Variants in PRR5 observed in about 807,000 individuals in gnomAD.
The protein encoded by PRR5 is proline rich 5.
Under a neutral mutation model 30.6 loss-of-function variants are expected in PRR5, and 25 were observed. The observed-to-expected ratio is 0.82, with a 90% CI of 0.60 to 1.14. The LOEUF (loss-of-function observed/expected upper bound fraction) is 1.14, where lower values mean the gene tolerates loss of function less well. Among genes scored for constraint, PRR5 ranks in the 50% most tolerant of loss-of-function variants. The pLI is 0.00. For synonymous variants in PRR5, 286 were observed against 247.1 expected (o/e 1.16, Z -1.48); for missense variants, 600 against 547.1 (o/e 1.10, Z -0.96).
intron 1 of PRR5, among the ~76,000 whole-genome samples, chr22:44,678,576 A>G (rs1923978286): frequency 6.6e-6 from 1 of 151,846 alleles, no homozygotes. Flanking sequence ...CTGCCCCCCA[A>G]AGTGCTGGGA....
At position 44,689,197 on chromosome 22, in the gene PRR5, C is replaced by T. The variant is rs541528483; in HGVS notation, c.-11+11957C>T. Among the ~76,000 whole-genome samples the T allele has an allele frequency of 2.0e-5, 3 of 151,988 alleles. No homozygotes were observed. The East Asian group carries it at 5.8e-4, about 29-fold the overall frequency. ...GTGATGAAGACAATATAATAATAACCCTCCCATTTATTACCATTTCTTACG... is the reference window on the plus strand; with the variant it reads ...GTGATGAAGACAATATAATAATAACTCTCCCATTTATTACCATTTCTTACG... On this transcript the variant is annotated intron_variant, in intron 1 of 8. Transcript: ENST00000006251.
intron 1 of PRR5, among the ~76,000 whole-genome samples, chr22:44,707,259 A>G (rs1927374562): frequency 6.6e-6 from 1 of 152,164 alleles, no homozygotes; most frequent in Non-Finnish European, 1.5e-5. Flanking sequence ...GTACTTTCAC[A>G]TCTTCCCACT....
intron 1 of PRR5, among the ~76,000 whole-genome samples, chr22:44,713,388 C>T (rs1928556443): frequency 6.6e-6 from 1 of 151,998 alleles, no homozygotes; most frequent in Non-Finnish European, 1.5e-5. Flanking sequence ...TGAGCCACCC[C>T]GCTCGGCCTA....
In PRR5 at chr22:44,735,543, T is replaced by C. The variant is rs577274981; in HGVS notation, c.691+381T>C. 4.8e-3 allele frequency among the ~76,000 whole-genome samples: 730 copies of C among 152,080 alleles called. 3 individuals carry two copies. Among genetic ancestry groups the C allele is most frequent in the African/African-American group, 0.017 (690 of 41,484 alleles). On this transcript the variant is annotated intron_variant, in intron 7 of 7. Coordinates refer to ENST00000336985, the MANE Select transcript of PRR5 (RefSeq NM_181333.4). ...GGCTGGGAGGGACTCGGCCTGGGGG[T>C]GGGCAGGCTGAGCCCTGTGGGCAGC... is the stretch of plus-strand genomic sequence containing the variant.
intron 1 of PRR5, among the ~76,000 whole-genome samples, chr22:44,704,191 C>G (rs1926822830): frequency 6.6e-6 from 1 of 152,220 alleles, no homozygotes; most frequent in South Asian, 2.1e-4. Context: ...ACCCCAGACT[C>G]ACGCAGTGGA....
chr22:44,736,366 C>T (rs1391137820), intron 7 of PRR5, among the ~76,000 whole-genome samples: 1 of 152,252 alleles, frequency 6.6e-6, no homozygotes, highest in African/African-American at 2.4e-5. Flanking sequence ...CCCACCATCC[C>T]CTTGGACACC....
upstream of PRR5, among the ~76,000 whole-genome samples, chr22:44,675,798 A>ATTT (rs1923719660): frequency 7.0e-6 from 1 of 142,500 alleles, no homozygotes; most frequent in Non-Finnish European, 1.5e-5. Flanking sequence ...TATTATTATT[A>ATTT]CTTAGGTCAC....
intron 1 of PRR5, among the ~76,000 whole-genome samples, chr22:44,669,783 GT>G (rs1489511056): frequency 2.0e-5 from 3 of 152,164 alleles, no homozygotes; most frequent in Non-Finnish European, 4.4e-5. Flanking sequence ...TGAGGACCGT[GT>G]GGGGTGGCCT....
At chr22:44,705,057 AC>A (rs1056109769) in intron 1 of PRR5, among the ~76,000 whole-genome samples, 1 of 151,956 alleles carries the variant, frequency 6.6e-6, no homozygotes, top group African/African-American at 2.4e-5. Flanking sequence ...TCCAAGACAC[AC>A]CCCCTTTTAT....
At position 44,714,577 on chromosome 22, in the gene PRR5, C is replaced by T; in HGVS notation, c.135-14C>T. On this transcript the variant is annotated splice_polypyrimidine_tract_variant and intron_variant, in intron 1 of 7. Transcript: ENST00000336985. ...GACCTCAGGACTGCAGTGTTTTCTT[C>T]CCTCTGCCCCCAGCATCCACAACGG... 3 of 1,612,224 alleles carry T rather than the reference C, an allele frequency of 1.9e-6. No homozygotes were observed. Among genetic ancestry groups the T allele is most frequent in the Non-Finnish European group, 2.5e-6 (3 of 1,179,914 alleles).
intron 1 of PRR5, among the ~76,000 whole-genome samples, chr22:44,688,161 A>G (rs891598467): frequency 6.7e-6 from 1 of 150,078 alleles, no homozygotes; most frequent in African/African-American, 2.4e-5. Flanking sequence ...AGGCAGGCGT[A>G]TCACTTGAAG....
chr22:44,716,046 C>T, intron 2 of PRR5, among the ~76,000 whole-genome samples: 1 of 152,226 alleles, frequency 6.6e-6, no homozygotes, highest in Non-Finnish European at 1.5e-5. Context: ...CTCCCCTGCC[C>T]TCCTTGGTGT....
Position 44,736,762 on chromosome 22 carries a change from C to A in PRR5, c.692-10C>A. 3.9e-6 allele frequency: 6 copies of A among 1,533,220 alleles called. No homozygotes were observed. Among genetic ancestry groups the A allele is most frequent in the Non-Finnish European group, 4.4e-6 (5 of 1,136,730 alleles). 95.0% of individuals were successfully genotyped at this position (1,533,220 alleles called of 1,614,324 possible). ...GCCTCTGGTGTGACAGTGCCCGTGT[C>A]TCTCCCCAGAAAAGCGCCTCCTCCG... On this transcript the variant is annotated splice_polypyrimidine_tract_variant and intron_variant, in intron 7 of 7. Transcript: ENST00000336985.
At chr22:44,725,343 GA>G (rs1293234882) in intron 3 of PRR5, 51 bp downstream of exon 3, 2 of 1,608,424 alleles carry the variant, frequency 1.2e-6, no homozygotes, top group South Asian at 2.2e-5. Context: ...GAGCCAGCCA[GA>G]AAGCACAGGG....
chr22:44,684,985 G>C (rs1394765551), intron 1 of PRR5, among the ~76,000 whole-genome samples: 1 of 152,210 alleles, frequency 6.6e-6, no homozygotes, highest in African/African-American at 2.4e-5. Flanking sequence ...AGGCGCTCCT[G>C]GTGGCCGCTG....
At chr22:44,725,196 A>C in intron 2 of PRR5, 48 bp from the exon 3 acceptor site, 1 of 1,608,756 alleles carries the variant, frequency 6.2e-7, no homozygotes, top group Non-Finnish European at 8.5e-7. Flanking sequence ...CCCCCATGCC[A>C]GTGCCGTGTG....
chr22:44,698,889 G>A (rs531320538), upstream of PRR5, among the ~76,000 whole-genome samples: 1 of 152,198 alleles, frequency 6.6e-6, no homozygotes, highest in Non-Finnish European at 1.5e-5. Context: ...TGACAGCTCT[G>A]TCCCCTTGTG....
chr22:44,705,237 C>T (rs972130823), intron 1 of PRR5, among the ~76,000 whole-genome samples: 2 of 152,186 alleles, frequency 1.3e-5, no homozygotes, highest in Admixed American at 1.3e-4. Flanking sequence ...CTTCTGGTGG[C>T]TCTTTGGCTT....
chr22:44,669,105 G>T (rs1347848351), intron 1 of PRR5, among the ~76,000 whole-genome samples: 1 of 125,292 alleles, frequency 8.0e-6, no homozygotes, highest in Non-Finnish European at 1.7e-5. Flanking sequence ...AGCCTCTCTC[G>T]CTCGCCCCCC....
Sources: gnomAD v4.1 joint callset for allele counts (sites outside exome capture counted in the v4.1 genomes callset) on GRCh38, gnomAD v4.1.1 for gene constraint, MANE v1.5 for transcripts, NCBI Gene and HGNC (gene_info 2026-07-23, HGNC 2026-07-21) for gene names.